The following CDH18 variants were observed in gnomAD, a reference collection of about 807,000 sequenced individuals.
CDH18 encodes cadherin 18, also known as cadherin-18.
CDH18 carries 31 observed loss-of-function variants against 67.9 expected under a neutral mutation model. That is an observed-to-expected ratio of 0.46 (90% confidence interval 0.34 to 0.62). The LOEUF (loss-of-function observed/expected upper bound fraction) is 0.62, where lower values mean the gene tolerates loss of function less well. Among genes scored for constraint, CDH18 ranks in the 20% least tolerant of loss-of-function variants. The pLI is 0.01. For missense variants in CDH18, 890 were observed against 975.5 expected (o/e 0.91, Z 1.17); for synonymous variants, 362 against 347.2 (o/e 1.04, Z -0.48).
chr5:19,642,514 A>G (rs1291993538), intron 5 of CDH18, among the ~76,000 whole-genome samples: 3 of 152,096 alleles, frequency 2.0e-5, no homozygotes, highest in Non-Finnish European at 4.4e-5. Flanking sequence ...GAGCTAATAA[A>G]GAAATTCAGT....
chr5:19,755,317 C>G (rs1167420943), intron 3 of CDH18, among the ~76,000 whole-genome samples: 1 of 147,576 alleles, frequency 6.8e-6, no homozygotes, highest in East Asian at 2.0e-4. Flanking sequence ...TCCAAATAAC[C>G]TCGGTAAGAA....
chr5:19,630,399 G>T (rs1439778588), intron 5 of CDH18, among the ~76,000 whole-genome samples: 8 of 152,018 alleles, frequency 5.3e-5, no homozygotes, highest in Non-Finnish European at 8.8e-5. Flanking sequence ...ATTTGCTATG[G>T]TAGCTTTGTA....
intron 1 of CDH18, among the ~76,000 whole-genome samples, chr5:20,572,224 G>A (rs1259127819): frequency 2.0e-4 from 30 of 148,936 alleles, no homozygotes; most frequent in African/African-American, 1.5e-4. Flanking sequence ...TTTTGTAAAA[G>A]AAAAAAAAAA....
At chr5:19,534,696 T>C (rs995491) in intron 9 of CDH18, among the ~76,000 whole-genome samples, 77,129 of 151,964 alleles carry the variant, frequency 0.51, 20,723 homozygotes, top group African/African-American at 0.69. Flanking sequence ...TCCAAGACGA[T>C]ACCAATTATT....
At chr5:20,536,356 A>T (rs1756720292) in intron 1 of CDH18, among the ~76,000 whole-genome samples, 1 of 152,166 alleles carries the variant, frequency 6.6e-6, no homozygotes, top group Admixed American at 6.6e-5. Context: ...TTTTTATAAG[A>T]ATAGGTGATA....
chr5:20,516,467 T>C (rs1370229843), intron 1 of CDH18, among the ~76,000 whole-genome samples: 1 of 151,992 alleles, frequency 6.6e-6, no homozygotes, highest in African/African-American at 2.4e-5. Context: ...ATAATTTTAA[T>C]ACAGGTGACT....
At chr5:19,955,994 G>T (rs148976219) in intron 2 of CDH18, among the ~76,000 whole-genome samples, 1 of 151,938 alleles carries the variant, frequency 6.6e-6, no homozygotes, top group Non-Finnish European at 1.5e-5. Flanking sequence ...TTCCCCCAAA[G>T]TATCAAATTA....
chr5:20,572,208 G>T, intron 1 of CDH18, among the ~76,000 whole-genome samples: 1 of 124,754 alleles, frequency 8.0e-6, no homozygotes. Flanking sequence ...ATTCTTCCAT[G>T]TCTATTTTTG....
At chr5:20,396,274 G>T in intron 1 of CDH18, among the ~76,000 whole-genome samples, 1 of 151,998 alleles carries the variant, frequency 6.6e-6, no homozygotes, top group Non-Finnish European at 1.5e-5. Context: ...CACCCAGCTG[G>T]TATCTGCTGG....
intron 9 of CDH18, among the ~76,000 whole-genome samples, chr5:19,539,965 C>A (rs929794878): frequency 3.3e-5 from 5 of 152,098 alleles, no homozygotes; most frequent in Admixed American, 3.3e-4. Flanking sequence ...CCCAGCAGTC[C>A]TCCAAAGGCT....
At chr5:20,487,210 G>T (rs1753252327) in intron 1 of CDH18, among the ~76,000 whole-genome samples, 1 of 152,046 alleles carries the variant, frequency 6.6e-6, no homozygotes, top group African/African-American at 2.4e-5. Flanking sequence ...GACGTTAAGG[G>T]ATCTAATTTT....
At chr5:19,942,818 T>C (rs1794948168) in intron 2 of CDH18, among the ~76,000 whole-genome samples, 1 of 152,142 alleles carries the variant, frequency 6.6e-6, no homozygotes, top group African/African-American at 2.4e-5. Context: ...ATAGCCCCTG[T>C]CAAGAAATGC....
intron 1 of CDH18, among the ~76,000 whole-genome samples, chr5:20,570,381 C>G (rs1162086916): frequency 6.6e-6 from 1 of 151,976 alleles, no homozygotes; most frequent in African/African-American, 2.4e-5. Context: ...TGTGCCATAG[C>G]TGTTTGAAAC....
chr5:19,517,829 T>G (rs980738923), intron 10 of CDH18, among the ~76,000 whole-genome samples: 1 of 152,052 alleles, frequency 6.6e-6, no homozygotes, highest in South Asian at 2.1e-4. Context: ...TCTCATACTC[T>G]TATTTATATT....
intron 2 of CDH18, among the ~76,000 whole-genome samples, chr5:20,201,429 C>T (rs1026646815): frequency 7.2e-5 from 11 of 152,014 alleles, no homozygotes; most frequent in Admixed American, 7.2e-4. Flanking sequence ...CAATTAATGA[C>T]ATCAGTGAAG....
At chr5:20,548,157 T>A (rs1269570043) in intron 1 of CDH18, among the ~76,000 whole-genome samples, 2 of 150,690 alleles carry the variant, frequency 1.3e-5, no homozygotes, top group Non-Finnish European at 3.0e-5. Context: ...CTATTTCTGA[T>A]AATAGCCAGC....
intron 12 of CDH18, among the ~76,000 whole-genome samples, chr5:19,480,628 C>T (rs1739268811): frequency 6.6e-6 from 1 of 152,198 alleles, no homozygotes; most frequent in Non-Finnish European, 1.5e-5. Flanking sequence ...GCGCCCACCT[C>T]AGCCTCCCAA....
chr5:20,378,502 G>T (rs1743649691), intron 1 of CDH18, among the ~76,000 whole-genome samples: 1 of 151,964 alleles, frequency 6.6e-6, no homozygotes, highest in Non-Finnish European at 1.5e-5. Flanking sequence ...TTTTATCTTC[G>T]TTTCCTTTTT....
chr5:19,593,613 C>T (rs553871585), intron 6 of CDH18, among the ~76,000 whole-genome samples: 1 of 145,948 alleles, frequency 6.9e-6, no homozygotes, highest in Non-Finnish European at 1.5e-5. Flanking sequence ...ACCCACTCCC[C>T]CTCCCGTTCT....
Sources: gnomAD v4.1 joint callset for allele counts (sites outside exome capture counted in the v4.1 genomes callset) on GRCh38, gnomAD v4.1.1 for gene constraint, MANE v1.5 for transcripts, NCBI Gene and HGNC (gene_info 2026-07-23, HGNC 2026-07-21) for gene names.